The following SASH1 variants were observed in gnomAD, a reference collection of about 807,000 sequenced individuals.
The protein encoded by SASH1 is SAM and SH3 domain containing 1, also known as SAM and SH3 domain-containing protein 1.
A neutral mutation model predicts 125.2 loss-of-function variants in SASH1; 44 were observed. The observed-to-expected ratio is 0.35, with a 90% CI of 0.28 to 0.45. The LOEUF is 0.45. Among genes scored for constraint, SASH1 ranks in the 20% least tolerant of loss-of-function variants. SASH1 has a pLI of 1.00. For missense variants in SASH1, 1,426 were observed against 1,614.5 expected (o/e 0.88, Z 2.00); for synonymous variants, 639 against 649.1 (o/e 0.98, Z 0.24).
At chr6:148,423,305 G>A (rs57985894) in intron 2 of SASH1, among the ~76,000 whole-genome samples, 1 of 152,286 alleles carries the variant, frequency 6.6e-6, no homozygotes, top group South Asian at 2.1e-4. Context: ...TATTTTAAAA[G>A]CAAATTTGTG....
chr6:148,520,733 A>T (rs1780759837), intron 10 of SASH1, among the ~76,000 whole-genome samples: 1 of 152,200 alleles, frequency 6.6e-6, no homozygotes, highest in Non-Finnish European at 1.5e-5. Flanking sequence ...AAAGAAGCTG[A>T]TTCAAAACAG....
At chr6:148,335,735 C>G (rs1356594780) in intron 1 of SASH1, among the ~76,000 whole-genome samples, 2 of 152,078 alleles carry the variant, frequency 1.3e-5, no homozygotes, top group Non-Finnish European at 2.9e-5. Flanking sequence ...TAAATGATGA[C>G]AGCGATGGTT....
At chr6:148,387,669 T>C (rs536219612) in intron 1 of SASH1, among the ~76,000 whole-genome samples, 3 of 117,066 alleles carry the variant, frequency 2.6e-5, no homozygotes, top group South Asian at 6.0e-4. Flanking sequence ...TCTTTCTTTC[T>C]TTCTTTCTTT....
In SASH1 at chr6:148,388,956, T is replaced by TA. The variant is rs753689475; in HGVS notation, c.157-1164dup. On this transcript the variant is annotated intron_variant, in intron 1 of 19. Transcript: ENST00000367467. ...ACCAAAGAGCAGAATGTTGGGAGGT[T>TA]AAAAAAAAAAAAAAGAGCTGGAGGA... Among the ~76,000 whole-genome samples the TA allele has an allele frequency of 3.4e-3, 480 of 141,462 alleles. 4 individuals carry two copies. Among genetic ancestry groups the TA allele is most frequent in the East Asian group, 0.017 (86 of 4,928 alleles). The allele number at this position is 141,462 out of a possible 152,430, so 92.8% of individuals were successfully genotyped here. A position where few individuals can be genotyped will look rare whatever the true frequency, so the allele number is the denominator to read the frequency against.
chr6:148,390,396 T>C, intron 2 of SASH1, 134 bp downstream of exon 2: 1 of 848,756 alleles, frequency 1.2e-6, no homozygotes, highest in Non-Finnish European at 1.8e-6. Flanking sequence ...TGGGGTAGAA[T>C]GTTCAGGTCC....
intron 1 of SASH1, among the ~76,000 whole-genome samples, chr6:148,295,467 G>T (rs1281075464): frequency 4.6e-5 from 7 of 152,218 alleles, no homozygotes; most frequent in Admixed American, 3.9e-4. Flanking sequence ...TTCTTTGGGT[G>T]AGCAGAACCC....
At chr6:148,441,175 C>G (rs1311869083) in intron 4 of SASH1, among the ~76,000 whole-genome samples, 1 of 152,230 alleles carries the variant, frequency 6.6e-6, no homozygotes, top group African/African-American at 2.4e-5. Context: ...CACGGAGCCA[C>G]TTGTACGTTC....
chr6:148,295,004 T>G (rs1236488744), intron 1 of SASH1, among the ~76,000 whole-genome samples: 1 of 152,092 alleles, frequency 6.6e-6, no homozygotes, highest in Admixed American at 6.6e-5. Context: ...CAAAGAAAAA[T>G]TAATGGATGC....
At chr6:148,513,209 G>C in intron 8 of SASH1, 1 of 985,398 alleles carries the variant, frequency 1.0e-6, no homozygotes, top group South Asian at 4.7e-5. Flanking sequence ...TCAGAGATGA[G>C]GCTTGTTTTT....
chr6:148,539,135 A>T (rs1307905129), intron 16 of SASH1, among the ~76,000 whole-genome samples: 1 of 151,852 alleles, frequency 6.6e-6, no homozygotes, highest in Non-Finnish European at 1.5e-5. Context: ...GGCACAGTTG[A>T]CAAATAATGA....
At position 148,519,852 on chromosome 6, in the gene SASH1, G is replaced by A. The variant is rs772638237; in HGVS notation, c.1168G>A (p.Glu390Lys). The change falls in exon 10 of 20, where the codon GAG becomes AAG. Residue 390 changes from glutamate (E) to lysine (K), a missense_variant. Physicochemically the swap from Glu to Lys is moderately conservative, Grantham distance 56. Coordinates refer to ENST00000367467, the MANE Select transcript of SASH1 (RefSeq NM_015278.5). The surrounding 1 kb of genome is among the most constrained non-coding windows in gnomAD (Gnocchi z 4.8). ...CCAGAAAGTGTCCCGCTCCCTCACC[G>A]AGGGGGAGATGAAGAAGGGTCTCGG... ...KAQKVSRSLT[E>K]GEMKKGLGSL... is the part of the protein sequence containing the mutation. 22 of 1,602,060 alleles carry A rather than the reference G, an allele frequency of 1.4e-5. No homozygotes were observed. Among genetic ancestry groups the A allele is most frequent in the South Asian group, 7.8e-5 (7 of 89,620 alleles).
chr6:148,300,319 A>G (rs548839437), intron 1 of SASH1, among the ~76,000 whole-genome samples: 1 of 152,150 alleles, frequency 6.6e-6, no homozygotes, highest in Admixed American at 6.5e-5. Context: ...TCCTGTGCCC[A>G]TCGGATGCTC....
chr6:148,353,225 G>A (rs1280988139), intron 1 of SASH1, among the ~76,000 whole-genome samples: 1 of 151,194 alleles, frequency 6.6e-6, no homozygotes, highest in Non-Finnish European at 1.5e-5. Flanking sequence ...GCATTACCAC[G>A]CTCAGCTTAT....
chr6:148,316,605 T>C (rs987670090), intron 1 of SASH1, among the ~76,000 whole-genome samples: 2 of 152,268 alleles, frequency 1.3e-5, no homozygotes, highest in Admixed American at 1.3e-4. Context: ...CAGCGCATTA[T>C]CTGGAGTCTC....
intron 10 of SASH1, among the ~76,000 whole-genome samples, chr6:148,522,379 C>A (rs1780873321): frequency 6.6e-6 from 1 of 152,152 alleles, no homozygotes; most frequent in Non-Finnish European, 1.5e-5. Context: ...TATTTCTTTG[C>A]TAGATTTATT....
the SASH1 span, among the ~76,000 whole-genome samples, chr6:148,257,480 C>T: frequency 6.6e-6 from 1 of 152,138 alleles, no homozygotes; most frequent in African/African-American, 2.4e-5. Flanking sequence ...TGACTTCCGT[C>T]GCCAATTCCT....
At chr6:148,541,293 A>G (rs1782203542) in intron 17 of SASH1, among the ~76,000 whole-genome samples, 1 of 151,296 alleles carries the variant, frequency 6.6e-6, no homozygotes, top group East Asian at 1.9e-4. Flanking sequence ...CTAGTAGCCC[A>G]TGTGTTAAGA....
At chr6:148,421,209 G>GA (rs1173164590) in intron 2 of SASH1, among the ~76,000 whole-genome samples, 1 of 137,100 alleles carries the variant, frequency 7.3e-6, no homozygotes, top group South Asian at 2.3e-4. Flanking sequence ...AAGAAAGAAA[G>GA]AAAGAAAAAG....
chr6:148,340,337 G>A (rs1781284214), upstream of SASH1, among the ~76,000 whole-genome samples: 2 of 151,976 alleles, frequency 1.3e-5, no homozygotes, highest in African/African-American at 2.4e-5. Flanking sequence ...ACAAAAATTA[G>A]CCAGGCGTGG....
Sources: allele counts gnomAD v4.1 joint callset (sites outside exome capture counted in the v4.1 genomes callset), GRCh38; gene constraint gnomAD v4.1.1; non-coding constraint Gnocchi (gnomAD v3.1); transcripts MANE v1.5; gene names NCBI Gene and HGNC (gene_info 2026-07-23, HGNC 2026-07-21).